The following ANO3 variants were observed in gnomAD, a reference collection of about 807,000 sequenced individuals.
ANO3 encodes anoctamin 3, also known as anoctamin-3.
ANO3 carries 99 observed loss-of-function variants against 144.8 expected under a neutral mutation model. The observed-to-expected ratio is 0.68, with a 90% confidence interval of 0.58 to 0.81. ANO3 has a LOEUF of 0.81. Ranked by LOEUF, ANO3 falls within the 30% of genes least tolerant of loss-of-function variation. ANO3 has a pLI of 0.00. For missense variants in ANO3, 905 were observed against 1,202.2 expected (o/e 0.75, Z 3.66); for synonymous variants, 414 against 392.6 (o/e 1.05, Z -0.64).
intron 24 of ANO3, among the ~76,000 whole-genome samples, chr11:26,649,922 T>C (rs1853473671): frequency 6.6e-6 from 1 of 152,168 alleles, no homozygotes; most frequent in African/African-American, 2.4e-5. Flanking sequence ...TACAGGCTTG[T>C]TAGGGAGCCC....
At chr11:26,200,996 A>C in intron 1 of ANO3, among the ~76,000 whole-genome samples, 1 of 152,082 alleles carries the variant, frequency 6.6e-6, no homozygotes. Context: ...ATTTACTTAC[A>C]TTTAGAGAGT....
intron 14 of ANO3, chr11:26,566,032 CT>C: frequency 5.2e-6 from 5 of 966,508 alleles, no homozygotes; most frequent in Non-Finnish European, 5.8e-6. Flanking sequence ...TCCAAAATTG[CT>C]TATTTTGGAT....
chr11:26,519,997 G>A (rs542160665), intron 6 of ANO3, among the ~76,000 whole-genome samples: 16 of 152,158 alleles, frequency 1.1e-4, no homozygotes, highest in Admixed American at 2.0e-4. Context: ...ATGGAAGTCA[G>A]AGCACGTTTG....
intron 17 of ANO3, among the ~76,000 whole-genome samples, chr11:26,613,578 T>G (rs2132974499): frequency 6.6e-6 from 1 of 152,354 alleles, no homozygotes; most frequent in African/African-American, 2.4e-5. Context: ...TCTTGTGTCC[T>G]TATTTTGATA....
intron 4 of ANO3, among the ~76,000 whole-genome samples, chr11:26,504,641 G>A (rs1283607173): frequency 6.6e-6 from 1 of 152,170 alleles, no homozygotes; most frequent in Non-Finnish European, 1.5e-5. Context: ...GGAGGGTCTA[G>A]AGGAGAGGAG....
intron 18 of ANO3, among the ~76,000 whole-genome samples, chr11:26,629,165 A>G (rs1302240212): frequency 6.6e-6 from 1 of 152,124 alleles, no homozygotes; most frequent in Non-Finnish European, 1.5e-5. Context: ...TGCTGGGAAC[A>G]TTGTAATCTT....
intron 26 of ANO3, among the ~76,000 whole-genome samples, chr11:26,659,760 TA>T (rs1208883074): frequency 6.6e-6 from 1 of 152,102 alleles, no homozygotes; most frequent in Non-Finnish European, 1.5e-5. Flanking sequence ...GTAATAAAGG[TA>T]AAAATATTTA....
chr11:26,441,106 G>GTTTTT (rs1022676698), intron 1 of ANO3, among the ~76,000 whole-genome samples: 1,225 of 86,518 alleles, frequency 0.014, 147 homozygotes, highest in African/African-American at 0.037. Context: ...TTGCTGCCCA[G>GTTTTT]TTTTTTTTTT....
chr11:26,625,746 A>C (rs918743346), intron 18 of ANO3, among the ~76,000 whole-genome samples: 4 of 152,274 alleles, frequency 2.6e-5, no homozygotes, highest in Admixed American at 2.6e-4. Context: ...TGTCTCCTCC[A>C]AACTAGATGG....
At chr11:26,528,880 C>A (rs1849232569) in intron 7 of ANO3, among the ~76,000 whole-genome samples, 1 of 150,510 alleles carries the variant, frequency 6.6e-6, no homozygotes, top group Admixed American at 6.7e-5. Flanking sequence ...TAAAGGCTGT[C>A]TTTGTAATGA....
intron 20 of ANO3, among the ~76,000 whole-genome samples, chr11:26,637,560 T>C (rs550700936): frequency 5.4e-4 from 82 of 152,338 alleles, no homozygotes; most frequent in African/African-American, 1.9e-3. Flanking sequence ...CGTAGCTTAA[T>C]AATTACTCTG....
At chr11:26,451,008 A>C (rs1858910338) in intron 3 of ANO3, among the ~76,000 whole-genome samples, 1 of 152,352 alleles carries the variant, frequency 6.6e-6, no homozygotes, top group African/African-American at 2.4e-5. Context: ...ACATGCAAAC[A>C]AAATTTATAA....
chr11:26,314,768 C>G (rs1854582406), intron 1 of ANO3, among the ~76,000 whole-genome samples: 1 of 152,102 alleles, frequency 6.6e-6, no homozygotes, highest in Non-Finnish European at 1.5e-5. Flanking sequence ...TAAATTGATC[C>G]AAGTCAGATT....
chr11:26,469,147 C>A (rs1859694240), intron 4 of ANO3, among the ~76,000 whole-genome samples: 1 of 151,930 alleles, frequency 6.6e-6, no homozygotes, highest in South Asian at 2.1e-4. Context: ...AGGAATCTCC[C>A]TTCCTTGTGC....
intron 1 of ANO3, among the ~76,000 whole-genome samples, chr11:26,195,426 C>T (rs964953094): frequency 6.6e-6 from 1 of 152,032 alleles, no homozygotes; most frequent in Non-Finnish European, 1.5e-5. Context: ...CAAAAAGGAG[C>T]CAGAAAAAAA....
Position 26,333,298 on chromosome 11 carries a change from T to A in ANO3, c.46+977T>A, listed in dbSNP as rs377251761. ...TAGCTCTTTGACTTTTTTTTTTTTT[T>A]TGAGGTGGAGTCTCGCTCTGTTGCC... On this transcript the variant is annotated intron_variant, in intron 1 of 26. Coordinates refer to ENST00000256737, the MANE Select transcript of ANO3 (RefSeq NM_031418.4). Among the ~76,000 whole-genome samples, 216 of 151,826 alleles carry A rather than the reference T, an allele frequency of 1.4e-3. 3 individuals are homozygous for A. The East Asian group carries it at 0.021, about 15-fold the overall frequency.
At chr11:26,581,426 C>T (rs991974916) in intron 14 of ANO3, among the ~76,000 whole-genome samples, 4 of 151,376 alleles carry the variant, frequency 2.6e-5, no homozygotes, top group Non-Finnish European at 5.9e-5. Context: ...ACTTGGTTCA[C>T]GCCTGTAATC....
At chr11:26,352,067 A>C (rs1855660726) in intron 1 of ANO3, among the ~76,000 whole-genome samples, 1 of 152,220 alleles carries the variant, frequency 6.6e-6, no homozygotes, top group African/African-American at 2.4e-5. Flanking sequence ...AGTAGGAAAG[A>C]GAAACAGGAA....
intron 1 of ANO3, among the ~76,000 whole-genome samples, chr11:26,338,889 A>T (rs1286132606): frequency 6.6e-6 from 1 of 152,244 alleles, no homozygotes; most frequent in African/African-American, 2.4e-5. Context: ...ACTCACCGCG[A>T]GGGTCCGCGG....
Sources: gnomAD v4.1 joint callset for allele counts (sites outside exome capture counted in the v4.1 genomes callset) on GRCh38, gnomAD v4.1.1 for gene constraint, MANE v1.5 for transcripts, NCBI Gene and HGNC (gene_info 2026-07-23, HGNC 2026-07-21) for gene names.